The following TMEM117 variants were observed in gnomAD, a reference collection of about 807,000 sequenced individuals.
TMEM117 encodes the protein transmembrane protein 117.
TMEM117 carries 27 observed loss-of-function variants against 52.4 expected under a neutral mutation model. That is an observed-to-expected ratio of 0.51 (90% confidence interval 0.38 to 0.71). The LOEUF (loss-of-function observed/expected upper bound fraction) is 0.71. TMEM117 is among the 30% of genes least tolerant of loss of function. The pLI, the probability that TMEM117 is intolerant of heterozygous loss-of-function variation, is 0.00. For synonymous variants in TMEM117, 215 were observed against 206.3 expected (o/e 1.04, Z -0.36); for missense variants, 556 against 630.5 (o/e 0.88, Z 1.26).
rs115947025 is a variant in TMEM117 at position 44,245,966 on chromosome 12, G to A, written c.608+34579G>A. ...GAATTATCCAAAACAATTATTGTAT[G>A]CACCATTTTTTAAAAACTACTTTTA... On this transcript the variant is annotated intron_variant, in intron 5 of 7. Coordinates refer to ENST00000266534, the MANE Select transcript of TMEM117 (RefSeq NM_032256.3). 9.4e-3 allele frequency among the ~76,000 whole-genome samples: 1,423 copies of A among 152,116 alleles called. 26 individuals carry two copies. Among genetic ancestry groups the A allele is most frequent in the African/African-American group, 0.032 (1,327 of 41,528 alleles).
At chr12:44,277,536 C>A (rs926607648) in intron 5 of TMEM117, among the ~76,000 whole-genome samples, 1 of 152,062 alleles carries the variant, frequency 6.6e-6, no homozygotes, top group Admixed American at 6.5e-5. Context: ...ACATTTTTAT[C>A]TTGAGCTTGG....
chr12:44,185,191 C>A (rs1367965405), intron 4 of TMEM117, among the ~76,000 whole-genome samples: 1 of 152,178 alleles, frequency 6.6e-6, no homozygotes, highest in Non-Finnish European at 1.5e-5. Context: ...GAGCTGACAT[C>A]TTTTCTTACT....
chr12:44,322,049 C>G (rs1951137578), intron 6 of TMEM117, among the ~76,000 whole-genome samples: 2 of 151,954 alleles, frequency 1.3e-5, no homozygotes, highest in African/African-American at 4.8e-5. Context: ...CCATAATGAC[C>G]TGGGTAGGGA....
the TMEM117 span, chr12:43,805,626 C>T: frequency 1.2e-5 from 6 of 506,116 alleles, no homozygotes; most frequent in Admixed American, 2.3e-5. Flanking sequence ...ATCAGTTTCC[C>T]TTGGGGAGTA....
chr12:44,216,829 A>C (rs1003946808), intron 5 of TMEM117, among the ~76,000 whole-genome samples: 1 of 152,102 alleles, frequency 6.6e-6, no homozygotes, highest in Non-Finnish European at 1.5e-5. Context: ...ATGGAAATCC[A>C]TAGGATTAAA....
At chr12:44,193,200 GA>G (rs1286715209) in intron 4 of TMEM117, among the ~76,000 whole-genome samples, 3 of 151,828 alleles carry the variant, frequency 2.0e-5, no homozygotes, top group African/African-American at 7.3e-5. Flanking sequence ...GAGGGTGAGA[GA>G]AAGAGTATGG....
intron 3 of TMEM117, among the ~76,000 whole-genome samples, chr12:44,107,046 T>C (rs1947967976): frequency 6.6e-6 from 1 of 152,082 alleles, no homozygotes; most frequent in Non-Finnish European, 1.5e-5. Context: ...TTGATGATGG[T>C]ATAATTTTAA....
chr12:43,853,540 G>T (rs1297512396), intron 2 of TMEM117, among the ~76,000 whole-genome samples: 1 of 152,188 alleles, frequency 6.6e-6, no homozygotes, highest in Non-Finnish European at 1.5e-5. Flanking sequence ...CTCCTAAAGT[G>T]CTGGGATTAC....
chr12:44,271,094 A>G (rs1015333812), intron 5 of TMEM117, among the ~76,000 whole-genome samples: 4 of 152,140 alleles, frequency 2.6e-5, no homozygotes, highest in Non-Finnish European at 4.4e-5. Context: ...GGATTTGTGC[A>G]TCTATGTTCA....
intron 6 of TMEM117, among the ~76,000 whole-genome samples, chr12:44,336,308 A>C (rs981498514): frequency 2.6e-5 from 4 of 152,064 alleles, no homozygotes; most frequent in Non-Finnish European, 4.4e-5. Context: ...GATTGTTTTT[A>C]AAATAGGAAA....
intron 3 of TMEM117, among the ~76,000 whole-genome samples, chr12:44,027,500 TTA>T (rs1270506194): frequency 1.3e-5 from 2 of 152,214 alleles, no homozygotes; most frequent in African/African-American, 2.4e-5. Flanking sequence ...CCTAGACATT[TTA>T]AAAGAGGATA....
chr12:43,904,568 C>T (rs1186221967), intron 2 of TMEM117, among the ~76,000 whole-genome samples: 1 of 152,062 alleles, frequency 6.6e-6, no homozygotes, highest in Non-Finnish European at 1.5e-5. Context: ...TTTCTACCAC[C>T]AAGAGTGCTT....
At position 44,279,515 on chromosome 12, in the gene TMEM117, C is replaced by CTT. The variant is rs769225066; in HGVS notation, c.609-20050_609-20049dup. Among the ~76,000 whole-genome samples, 318 of 137,258 alleles carry CTT rather than the reference C, an allele frequency of 2.3e-3. 3 individuals carry two copies. Among genetic ancestry groups the CTT allele is most frequent in the African/African-American group, 7.4e-3 (275 of 37,348 alleles). The allele number at this position is 137,258 out of a possible 152,430, so 90.0% of individuals were successfully genotyped here. On this transcript the variant is annotated intron_variant, in intron 5 of 7. Transcript: ENST00000266534. Reference sequence around the variant, plus strand: ...GTTTGCAATTTTCTTTTCTTTTCTTCTTTTTTTTTTTTTTTTGAGATGGAG... The same window carrying CTT: ...GTTTGCAATTTTCTTTTCTTTTCTTCTTTTTTTTTTTTTTTTTTGAGATGGAG...
chr12:44,149,521 A>G (rs929998389), intron 4 of TMEM117, among the ~76,000 whole-genome samples: 1 of 152,202 alleles, frequency 6.6e-6, no homozygotes, highest in Non-Finnish European at 1.5e-5. Flanking sequence ...AAATGTGGTG[A>G]TGTTTTTAAT....
At chr12:44,118,523 T>C (rs1485552219) in intron 3 of TMEM117, among the ~76,000 whole-genome samples, 3 of 152,170 alleles carry the variant, frequency 2.0e-5, no homozygotes, top group Non-Finnish European at 2.9e-5. Flanking sequence ...CTCAGAGATA[T>C]AGCAAAGCAA....
chr12:44,156,132 T>G (rs1175513432), intron 4 of TMEM117, among the ~76,000 whole-genome samples: 1 of 152,098 alleles, frequency 6.6e-6, no homozygotes, highest in Non-Finnish European at 1.5e-5. Flanking sequence ...TAATAACACT[T>G]ACTGAAGTGT....
At chr12:44,347,266 T>A (rs534900194) in intron 6 of TMEM117, among the ~76,000 whole-genome samples, 18 of 152,208 alleles carry the variant, frequency 1.2e-4, no homozygotes, top group Middle Eastern at 3.4e-3. Flanking sequence ...CATGCATTTT[T>A]AACCTCTACT....
At chr12:44,292,629 G>A (rs1323629278) in intron 5 of TMEM117, among the ~76,000 whole-genome samples, 1 of 151,922 alleles carries the variant, frequency 6.6e-6, no homozygotes, top group Non-Finnish European at 1.5e-5. Flanking sequence ...TGTATTTGCT[G>A]CATCCTATCA....
At position 44,129,331 on chromosome 12, in the gene TMEM117, G is replaced by A. The variant is rs550931939; in HGVS notation, c.411-14194G>A. ...AGACGTCTCATCATTCTTCTGTAGC[G>A]CTGGGCCTGTCAGGTCTTTCACAAG... On this transcript the variant is annotated intron_variant, in intron 3 of 7. Coordinates refer to ENST00000266534, the MANE Select transcript of TMEM117 (RefSeq NM_032256.3). Among the ~76,000 whole-genome samples, 15 of 152,190 alleles carry A rather than the reference G, an allele frequency of 9.9e-5. No individual in the cohort carries two copies. In the East Asian group the frequency reaches 1.6e-3, roughly 16 times the overall value.
Sources: gnomAD v4.1 joint callset for allele counts (sites outside exome capture counted in the v4.1 genomes callset) on GRCh38, gnomAD v4.1.1 for gene constraint, MANE v1.5 for transcripts, NCBI Gene and HGNC (gene_info 2026-07-23, HGNC 2026-07-21) for gene names.